EHBP1: variants seen among roughly 807,000 people sequenced by gnomAD.
EHBP1 encodes the protein EH domain-binding protein 1.
A neutral mutation model predicts 144.0 loss-of-function variants in EHBP1; 55 were observed. That is an observed-to-expected ratio of 0.38 (90% CI 0.31 to 0.48). The LOEUF is 0.48. Among genes scored for constraint, EHBP1 ranks in the 20% least tolerant of loss-of-function variants. The pLI is 0.98. For synonymous variants in EHBP1, 469 were observed against 472.7 expected (o/e 0.99, Z 0.10); for missense variants, 1,200 against 1,364.2 (o/e 0.88, Z 1.90).
chr2:62,736,138 A>G (rs1007660216), intron 2 of EHBP1, among the ~76,000 whole-genome samples: 4 of 123,394 alleles, frequency 3.2e-5, no homozygotes, highest in Non-Finnish European at 6.9e-5. Context: ...TGGTATTTCT[A>G]TTATGTGTAG....
intron 18 of EHBP1, among the ~76,000 whole-genome samples, chr2:62,995,819 A>G (rs2153225029): frequency 6.6e-6 from 1 of 152,232 alleles, no homozygotes; most frequent in Admixed American, 6.5e-5. Flanking sequence ...TTGTAATATG[A>G]TTGTAAAAAT....
At chr2:62,993,152 A>C (rs1186757684) in intron 16 of EHBP1, among the ~76,000 whole-genome samples, 4 of 152,180 alleles carry the variant, frequency 2.6e-5, no homozygotes, top group African/African-American at 9.6e-5. Context: ...TTTAGCCTTC[A>C]TCCAGCATTA....
At chr2:62,924,957 A>G (rs1014631014) in intron 10 of EHBP1, among the ~76,000 whole-genome samples, 6 of 152,226 alleles carry the variant, frequency 3.9e-5, no homozygotes, top group African/African-American at 1.2e-4. Flanking sequence ...CTTCAACAAA[A>G]TACTAACAAA....
At chr2:62,853,793 A>C (rs1304886256) in intron 7 of EHBP1, among the ~76,000 whole-genome samples, 1 of 152,206 alleles carries the variant, frequency 6.6e-6, no homozygotes, top group East Asian at 1.9e-4. Flanking sequence ...CATCTCCATC[A>C]CAGCTCTTGG....
intron 1 of EHBP1, among the ~76,000 whole-genome samples, chr2:62,689,316 A>G (rs956505408): frequency 1.3e-5 from 2 of 152,224 alleles, no homozygotes; most frequent in Non-Finnish European, 2.9e-5. Context: ...CTATTATGAT[A>G]TATCTTCATG....
intron 14 of EHBP1, among the ~76,000 whole-genome samples, chr2:62,957,662 T>TTTG: frequency 6.9e-6 from 1 of 144,518 alleles, no homozygotes; most frequent in Non-Finnish European, 1.5e-5. Context: ...TTTTTTTTTT[T>TTTG]TGAGATGGAG....
At chr2:62,893,833 C>G (rs2052653352) in intron 10 of EHBP1, among the ~76,000 whole-genome samples, 16 of 152,096 alleles carry the variant, frequency 1.1e-4, no homozygotes, top group Admixed American at 1.0e-3. Context: ...CACTTGAGCT[C>G]AGGAGTTCGA....
intron 5 of EHBP1, among the ~76,000 whole-genome samples, chr2:62,773,882 A>AAAAAAAAAAC: frequency 6.8e-6 from 1 of 146,208 alleles, no homozygotes. Context: ...AAAAAAAAAA[A>AAAAAAAAAAC]AAAGAGAGAG....
chr2:62,740,461 C>T (rs1317075073), intron 2 of EHBP1, among the ~76,000 whole-genome samples: 1 of 152,028 alleles, frequency 6.6e-6, no homozygotes, highest in African/African-American at 2.4e-5. Flanking sequence ...GCAGATGTAC[C>T]TACTGAAGGA....
rs1370852650 is a variant in EHBP1 at position 62,826,144 on chromosome 2, T to C, written c.370T>C (p.Tyr124His). The change falls in exon 6 of 23, where the codon TAT (tyrosine) becomes CAT (histidine). Residue 124 changes from tyrosine (Y) to histidine (H), a missense_variant. Physicochemically the swap from Tyr to His is moderately conservative, Grantham distance 83. This residue lies in a region of EHBP1 where 137 missense variants were observed against 190.1 expected (regional missense o/e 0.72). Transcript: ENST00000431489. ...LATSSINMKQ[Y>H]ASPMPTQTDV... is the part of the protein sequence containing the mutation. Reference sequence around the variant, plus strand: ...TACTAGCAGCATCAATATGAAACAGTATGCAAGCCCTATGCCAACTCAGAC... The same window carrying C: ...TACTAGCAGCATCAATATGAAACAGCATGCAAGCCCTATGCCAACTCAGAC... 3 of 1,598,096 alleles carry C rather than the reference T, an allele frequency of 1.9e-6. No individual in the cohort carries two copies. Among genetic ancestry groups the C allele is most frequent in the Admixed American group, 1.7e-5 (1 of 57,970 alleles).
chr2:62,771,503 A>G (rs2041658819), intron 5 of EHBP1, 111 bp downstream of exon 5: 1 of 758,472 alleles, frequency 1.3e-6, no homozygotes, highest in Non-Finnish European at 2.1e-6. Flanking sequence ...AGAAAATTAA[A>G]TAGTGATTTG....
At chr2:62,831,248 T>C in intron 7 of EHBP1, 90 bp downstream of exon 7, 2 of 1,291,170 alleles carry the variant, frequency 1.5e-6, no homozygotes, top group Non-Finnish European at 2.1e-6. Context: ...ACAATTCTAC[T>C]TATTGGGTTT....
At chr2:63,011,663 C>A (rs995692004) in intron 19 of EHBP1, among the ~76,000 whole-genome samples, 4 of 151,974 alleles carry the variant, frequency 2.6e-5, no homozygotes, top group Admixed American at 2.6e-4. Context: ...AACATGGTTT[C>A]AGGAGGGACA....
intron 14 of EHBP1, among the ~76,000 whole-genome samples, chr2:62,975,385 G>A (rs1430671592): frequency 6.6e-6 from 1 of 152,138 alleles, no homozygotes; most frequent in Non-Finnish European, 1.5e-5. Flanking sequence ...TGAGGGAATG[G>A]CAAGGTCACA....
intron 3 of EHBP1, among the ~76,000 whole-genome samples, chr2:62,757,620 G>A (rs1337903342): frequency 6.6e-6 from 1 of 151,470 alleles, no homozygotes; most frequent in Non-Finnish European, 1.5e-5. Flanking sequence ...TTTTAGTAGA[G>A]ACGGGCTTTC....
At position 63,045,839 on chromosome 2, in the gene EHBP1, A is replaced by G. The variant is rs1454741660; in HGVS notation, c.*339A>G. ...AACACTTCCCTCGTTATTTTCTCTC[A>G]TTTTTTGATGAGAGGAAAATTTGAA... On this transcript the variant is annotated 3_prime_UTR_variant, in exon 23 of 23. Transcript: ENST00000431489. The surrounding 1 kb of genome is among the most constrained non-coding windows in gnomAD (Gnocchi z 5.7). 5.4e-6 allele frequency: 1 copy of G among 186,252 alleles called. No individual in the cohort carries two copies. The highest frequency in any genetic ancestry group is 2.4e-5 in the African/African-American group (1 of 42,212). The allele number at this position is 186,252 out of a possible 1,614,324, so 11.5% of individuals were successfully genotyped here.
rs185408703 is a variant in EHBP1, at chr2:62,718,496, T to G, written c.104+11201T>G. ...TACAGGACAGTGCTGATTTAGCCAG[T>G]GCTTCCCAAACTGACTATCTTTAGA... On this transcript the variant is annotated intron_variant, in intron 2 of 22. Transcript: ENST00000431489. Among the ~76,000 whole-genome samples, 79 of 152,326 alleles carry G rather than the reference T, an allele frequency of 5.2e-4. 1 individual carries two copies. In the East Asian group the frequency reaches 0.015, roughly 29 times the overall value.
At chr2:62,692,527 C>T (rs1282202477) in intron 1 of EHBP1, among the ~76,000 whole-genome samples, 2 of 152,284 alleles carry the variant, frequency 1.3e-5, no homozygotes, top group African/African-American at 4.8e-5. Context: ...TTATTGCATC[C>T]TCATCAACCC....
intron 19 of EHBP1, among the ~76,000 whole-genome samples, chr2:63,034,843 C>T (rs1183952923): frequency 1.3e-5 from 2 of 151,848 alleles, no homozygotes; most frequent in Non-Finnish European, 2.9e-5. Flanking sequence ...ATTAGAGCTA[C>T]GAACAGTTGG....
Sources: allele counts gnomAD v4.1 joint callset (sites outside exome capture counted in the v4.1 genomes callset), GRCh38; gene constraint gnomAD v4.1.1; regional missense constraint gnomAD v4.1.1; non-coding constraint Gnocchi (gnomAD v3.1); transcripts MANE v1.5; gene names NCBI Gene and HGNC (gene_info 2026-07-23, HGNC 2026-07-21).